CHID1: variants seen among roughly 807,000 people sequenced by gnomAD.
The protein encoded by CHID1 is chitinase domain containing 1, also known as chitinase domain-containing protein 1.
Under a neutral mutation model 55.4 loss-of-function variants are expected in CHID1, and 44 were observed. That is an observed-to-expected ratio of 0.79 (90% CI 0.62 to 1.02). The LOEUF (loss-of-function observed/expected upper bound fraction) is 1.02, where lower values mean the gene tolerates loss of function less well. Among genes scored for constraint, CHID1 ranks in the 50% least tolerant of loss-of-function variants. CHID1 has a pLI of 0.00. For synonymous variants in CHID1, 216 were observed against 212.9 expected, an observed-to-expected ratio of 1.01 and a Z score of -0.13; for missense variants, 491 against 515.3, an observed-to-expected ratio of 0.95 and a Z score of 0.46.
chr11:914,200 TAATA>T (rs1252459238), upstream of CHID1: 1 of 160,126 alleles, frequency 6.2e-6, no homozygotes. Flanking sequence ...AATTAAATTT[TAATA>T]AATCAAATCC....
chr11:885,390 C>G (rs1269650225), intron 8 of CHID1, among the ~76,000 whole-genome samples: 5 of 152,206 alleles, frequency 3.3e-5, no homozygotes, highest in Non-Finnish European at 7.3e-5. Flanking sequence ...CTGCTGAGCA[C>G]AATGAGAGGC....
chr11:879,130 G>A (rs1380519704), intron 10 of CHID1, among the ~76,000 whole-genome samples: 1 of 152,176 alleles, frequency 6.6e-6, no homozygotes, highest in Non-Finnish European at 1.5e-5. Context: ...ACAGGTGTGA[G>A]CCACAGTGTC....
chr11:899,645 A>G (rs1213590443), intron 6 of CHID1, among the ~76,000 whole-genome samples: 4 of 152,128 alleles, frequency 2.6e-5, no homozygotes, highest in Non-Finnish European at 4.4e-5. Context: ...CACCTCCCCC[A>G]ACCCCACCCC....
chr11:888,570 C>T (rs1850566857), intron 8 of CHID1, among the ~76,000 whole-genome samples: 4 of 152,238 alleles, frequency 2.6e-5, no homozygotes, highest in Admixed American at 2.6e-4. Flanking sequence ...GCGTGACTTC[C>T]GATGAACAGG....
intron 8 of CHID1, among the ~76,000 whole-genome samples, chr11:886,834 C>T (rs1207464878): frequency 1.3e-5 from 2 of 152,208 alleles, no homozygotes; most frequent in African/African-American, 4.8e-5. Flanking sequence ...GCGTTGGCTG[C>T]GTCGGTTCCA....
rs1159730758 is a variant in CHID1 at position 889,181 on chromosome 11, G to C, written c.701+4246C>G. Among the ~76,000 whole-genome samples the C allele has an allele frequency of 2.0e-5, 3 of 152,132 alleles. No homozygotes were observed. The East Asian group carries it at 5.8e-4, about 29-fold the overall frequency. On this transcript the variant is annotated intron_variant, in intron 8 of 12. Coordinates refer to ENST00000323578, the MANE Select transcript of CHID1 (RefSeq NM_023947.4). ...AGAACAGCGTCCTCCCAGATCCGAGGGGAGACGGTGACACGAGTGAGCCCA... is the reference window on the plus strand; with the variant it reads ...AGAACAGCGTCCTCCCAGATCCGAGCGGAGACGGTGACACGAGTGAGCCCA...
intron 1 of CHID1, chr11:910,513 C>G: frequency 1.2e-6 from 1 of 841,998 alleles, no homozygotes; most frequent in Non-Finnish European, 1.5e-6. Context: ...CCCCCCGACA[C>G]GCGCCCCCGT....
In CHID1 at chr11:875,572, T is replaced by G. The variant is rs1326810253; in HGVS notation, c.960-5073A>C. On this transcript the variant is annotated intron_variant, in intron 10 of 12. Coordinates refer to ENST00000323578, the MANE Select transcript of CHID1 (RefSeq NM_023947.4). This position sits in a 1 kb window ranked among gnomAD's most constrained non-coding sequence, Gnocchi z 4.7. ...GCGCTGGGGTGTTAGGAGAACACGG[T>G]GAGCATGAGGCCGGGGATCGGGGCT... Among the ~76,000 whole-genome samples, 1 of 152,072 alleles carries G rather than the reference T, an allele frequency of 6.6e-6. No individual in the cohort carries two copies. The highest frequency in any genetic ancestry group is 2.4e-5 in the African/African-American group (1 of 41,390).
intron 8 of CHID1, among the ~76,000 whole-genome samples, chr11:890,418 C>T (rs1174467110): frequency 6.6e-6 from 1 of 152,258 alleles, no homozygotes; most frequent in African/African-American, 2.4e-5. Context: ...CGATGGCCGG[C>T]CCTGAACCAC....
At chr11:876,781 T>C (rs1191881776) in intron 10 of CHID1, among the ~76,000 whole-genome samples, 1 of 152,074 alleles carries the variant, frequency 6.6e-6, no homozygotes, top group Admixed American at 6.5e-5. Flanking sequence ...TTGCGGGAGG[T>C]GGCCCTGCTG....
rs1287381902 is a variant in CHID1, at chr11:875,728, AGAG to A, written c.960-5232_960-5230del. Among the ~76,000 whole-genome samples the A allele has an allele frequency of 6.6e-6, 1 of 152,128 alleles. No individual in the cohort carries two copies. The highest frequency in any genetic ancestry group is 2.4e-5 in the African/African-American group (1 of 41,410). On this transcript the variant is annotated intron_variant, in intron 10 of 12. Coordinates refer to ENST00000323578, the MANE Select transcript of CHID1 (RefSeq NM_023947.4). The surrounding 1 kb of genome is among the most constrained non-coding windows in gnomAD (Gnocchi z 4.7). ...TCTCACAGTAAAAGATTCACAAGAC[AGAG>A]GAGGAAAACGCCTAGGTCCACCGAG... is the stretch of plus-strand genomic sequence containing the variant.
At chr11:908,649 G>T in intron 1 of CHID1, 2 of 982,222 alleles carry the variant, frequency 2.0e-6, no homozygotes, top group South Asian at 9.4e-5. Context: ...TGGAAATCTG[G>T]GTCAGGGAGG....
At chr11:899,515 G>C in intron 6 of CHID1, 114 bp from the exon 7 acceptor site, 1 of 948,368 alleles carries the variant, frequency 1.1e-6, no homozygotes, top group Non-Finnish European at 1.6e-6. Flanking sequence ...GGTCACTCAC[G>C]AGGCAAGACC....
upstream of CHID1, chr11:914,906 G>C (rs925706319): frequency 1.7e-4 from 51 of 303,224 alleles, no homozygotes; most frequent in Non-Finnish European, 3.0e-4. Context: ...TGGCAGCCTC[G>C]TGACTCTGTC....
intron 1 of CHID1, 30 bp downstream of exon 1, chr11:910,745 G>A (rs749647482): frequency 8.3e-7 from 1 of 1,209,938 alleles, no homozygotes; most frequent in South Asian, 1.4e-5. Flanking sequence ...GCAAGGAGGA[G>A]GAGCAGGGGC....
intron 10 of CHID1, among the ~76,000 whole-genome samples, chr11:880,318 C>G: frequency 6.6e-6 from 1 of 152,232 alleles, no homozygotes. Context: ...CCAGCACCCC[C>G]TCGTGTCCGC....
chr11:893,127 G>A (rs1201856879), intron 8 of CHID1, among the ~76,000 whole-genome samples: 6 of 152,154 alleles, frequency 3.9e-5, no homozygotes, highest in Non-Finnish European at 7.4e-5. Context: ...CTTCTGCCTC[G>A]ACACCCTGGG....
intron 1 of CHID1, among the ~76,000 whole-genome samples, chr11:906,616 C>A (rs895044896): frequency 4.6e-5 from 7 of 152,092 alleles, no homozygotes; most frequent in Non-Finnish European, 2.9e-5. Context: ...TCGTGGTGTG[C>A]CGGTCAATGA....
chr11:878,044 A>T (rs1849638131), intron 10 of CHID1, among the ~76,000 whole-genome samples: 1 of 152,130 alleles, frequency 6.6e-6, no homozygotes, highest in African/African-American at 2.4e-5. Context: ...CCACCTCCGG[A>T]CTCTTCGGAG....
Sources: gnomAD v4.1 joint callset for allele counts (sites outside exome capture counted in the v4.1 genomes callset) on GRCh38, gnomAD v4.1.1 for gene constraint, Gnocchi (gnomAD v3.1) non-coding constraint, MANE v1.5 for transcripts, NCBI Gene and HGNC (gene_info 2026-07-23, HGNC 2026-07-21) for gene names.